DAPK2: variants seen among roughly 807,000 people sequenced by gnomAD.
DAPK2 encodes the protein death associated protein kinase 2, also known as death-associated protein kinase 2.
DAPK2 carries 35 observed loss-of-function variants against 44.1 expected under a neutral mutation model. That is an observed-to-expected ratio of 0.79 (90% CI 0.61 to 1.05). The LOEUF is 1.05. Ranked by LOEUF, DAPK2 falls within the 50% of genes least tolerant of loss-of-function variation. The pLI, the probability that DAPK2 is intolerant of heterozygous loss-of-function variation, is 0.00. For synonymous variants in DAPK2, 174 were observed against 182.6 expected, an observed-to-expected ratio of 0.95 and a Z score of 0.38; for missense variants, 453 against 483.2, an observed-to-expected ratio of 0.94 and a Z score of 0.59.
chr15:63,935,596 G>A (rs576693755), intron 4 of DAPK2: 1 of 152,242 alleles, frequency 6.6e-6, no homozygotes, highest in East Asian at 1.9e-4. Flanking sequence ...ACTATAATGT[G>A]TCTAGGTAAG....
At chr15:64,034,479 G>T (rs1317433962) in intron 1 of DAPK2, among the ~76,000 whole-genome samples, 2 of 152,180 alleles carry the variant, frequency 1.3e-5, no homozygotes, top group Non-Finnish European at 1.5e-5. Flanking sequence ...CTGCAGGTTG[G>T]GTGTCTGGCA....
At chr15:63,929,566 A>T (rs750240144) in exon 6 of DAPK2, 2 of 1,614,046 alleles carry the variant, frequency 1.2e-6, no homozygotes, top group Non-Finnish European at 1.7e-6. Context: ...GTAGGTGATG[A>T]CGCCTATGCT....
At chr15:64,026,251 T>A (rs1311914245) in intron 1 of DAPK2, among the ~76,000 whole-genome samples, 3 of 151,938 alleles carry the variant, frequency 2.0e-5, no homozygotes, top group Admixed American at 2.0e-4. Context: ...TTTAATTAAT[T>A]AATTTTTTTT....
chr15:63,938,900 C>T (rs1015153615), intron 4 of DAPK2, among the ~76,000 whole-genome samples: 1 of 152,194 alleles, frequency 6.6e-6, no homozygotes, highest in African/African-American at 2.4e-5. Context: ...TTCAAGAGGG[C>T]GAGGTAATTT....
At chr15:63,946,896 G>A (rs1477646637) in intron 3 of DAPK2, among the ~76,000 whole-genome samples, 1 of 152,194 alleles carries the variant, frequency 6.6e-6, no homozygotes, top group South Asian at 2.1e-4. Flanking sequence ...GGCAACCTGA[G>A]AAAGGAAGGC....
chr15:63,913,554 C>T (rs545013302), intron 8 of DAPK2, among the ~76,000 whole-genome samples: 18 of 152,326 alleles, frequency 1.2e-4, no homozygotes, highest in African/African-American at 4.3e-4. Context: ...GCCTCATTCA[C>T]CTGGTGAATG....
At chr15:63,981,159 G>C (rs1468298819) in intron 2 of DAPK2, among the ~76,000 whole-genome samples, 2 of 151,546 alleles carry the variant, frequency 1.3e-5, no homozygotes, top group East Asian at 3.9e-4. Context: ...ATCCATTCAT[G>C]CATTAGTGGA....
At chr15:63,915,480 T>TG (rs2078903010) in intron 8 of DAPK2, among the ~76,000 whole-genome samples, 1 of 152,242 alleles carries the variant, frequency 6.6e-6, no homozygotes, top group Non-Finnish European at 1.5e-5. Context: ...TAGTAGACTC[T>TG]GGGGGAGAAG....
exon 2 of DAPK2, chr15:63,983,634 G>T (rs375258891): frequency 2.5e-6 from 4 of 1,614,092 alleles, no homozygotes; most frequent in Non-Finnish European, 2.5e-6. Flanking sequence ...CCTCCCGCTC[G>T]ATCTCCTCCC....
At chr15:63,960,329 G>A (rs2077856913) in intron 3 of DAPK2, among the ~76,000 whole-genome samples, 1 of 152,068 alleles carries the variant, frequency 6.6e-6, no homozygotes, top group Non-Finnish European at 1.5e-5. Flanking sequence ...TTTTTGAAGG[G>A]TTTTTTGTGT....
At chr15:63,989,140 ACTGCACTG>A (rs2078746715) in intron 1 of DAPK2, among the ~76,000 whole-genome samples, 1 of 145,894 alleles carries the variant, frequency 6.9e-6, no homozygotes, top group African/African-American at 2.6e-5. Context: ...AGATCATGCC[ACTGCACTG>A]CTGCACTGCA....
At chr15:64,016,845 AAGGAAGG>A (rs2079542911) in intron 1 of DAPK2, among the ~76,000 whole-genome samples, 2 of 8,332 alleles carry the variant, frequency 2.4e-4, no homozygotes, top group African/African-American at 3.5e-4. Flanking sequence ...GGAGGGAAGG[AAGGAAGG>A]AAGGAAGGAA....
At chr15:63,971,072 TG>T (rs1184687749) in intron 3 of DAPK2, among the ~76,000 whole-genome samples, 6 of 152,240 alleles carry the variant, frequency 3.9e-5, no homozygotes, top group Admixed American at 1.3e-4. Flanking sequence ...TCTAGTTTTT[TG>T]TTACTGAAAA....
intron 3 of DAPK2, among the ~76,000 whole-genome samples, chr15:63,960,836 G>A (rs949420242): frequency 4.2e-5 from 6 of 143,734 alleles, no homozygotes; most frequent in African/African-American, 1.5e-4. Context: ...GATTTGGGGT[G>A]GAGAGTTCTG....
intron 2 of DAPK2, among the ~76,000 whole-genome samples, chr15:63,977,211 T>C (rs922178): frequency 0.85 from 129,573 of 152,224 alleles, 55,890 homozygotes; most frequent in East Asian, 0.97. Flanking sequence ...TGCTCAGGGT[T>C]GAGTAGGGTG....
intron 3 of DAPK2, among the ~76,000 whole-genome samples, chr15:63,962,744 G>A (rs552159537): frequency 8.3e-4 from 127 of 152,300 alleles, no homozygotes; most frequent in African/African-American, 2.5e-3. Flanking sequence ...GGCTGTATGA[G>A]GTGTCAGTCA....
rs1334016146 is a variant in DAPK2, at chr15:63,980,259, C to T, written c.314+3274G>A. On this transcript the variant is annotated intron_variant, in intron 2 of 10. Transcript: ENST00000261891. This position sits in a 1 kb window ranked among gnomAD's most constrained non-coding sequence, Gnocchi z 4.3. ...TGAGCCCTGTTGGGAAAAACACAGA[C>T]ATCTCAAGAGCATTTACCTGCCACA... Among the ~76,000 whole-genome samples, 1 of 152,218 alleles carries T rather than the reference C, an allele frequency of 6.6e-6. No individual in the cohort carries two copies. The highest frequency in any genetic ancestry group is 2.4e-5 in the African/African-American group (1 of 41,450).
chr15:63,961,979 C>T (rs987663108), intron 3 of DAPK2, among the ~76,000 whole-genome samples: 5 of 152,224 alleles, frequency 3.3e-5, no homozygotes, highest in Non-Finnish European at 5.9e-5. Context: ...TTCAGGTACA[C>T]TAATCAAACG....
intron 8 of DAPK2, among the ~76,000 whole-genome samples, chr15:63,913,740 G>A (rs934414185): frequency 2.0e-5 from 3 of 152,190 alleles, no homozygotes; most frequent in African/African-American, 7.2e-5. Flanking sequence ...CCATCCCATG[G>A]CAGCCCCTGC....
Sources: allele counts gnomAD v4.1 joint callset (sites outside exome capture counted in the v4.1 genomes callset), GRCh38; gene constraint gnomAD v4.1.1; non-coding constraint Gnocchi (gnomAD v3.1); transcripts MANE v1.5; gene names NCBI Gene and HGNC (gene_info 2026-07-23, HGNC 2026-07-21).